CES5A: variants seen among roughly 807,000 people sequenced by gnomAD.
The protein encoded by CES5A is carboxylesterase 5.
A neutral mutation model predicts 62.9 loss-of-function variants in CES5A; 67 were observed. That is an observed-to-expected ratio of 1.07 (90% CI 0.88 to 1.31). The LOEUF is 1.31. Ranked by LOEUF, CES5A falls within the 50% of genes most tolerant of loss-of-function variation. The pLI, the probability that CES5A is intolerant of heterozygous loss-of-function variation, is 0.00. For synonymous variants in CES5A, 296 were observed against 280.8 expected, an observed-to-expected ratio of 1.05 and a Z score of -0.54; for missense variants, 748 against 708.5, an observed-to-expected ratio of 1.06 and a Z score of -0.63.
At chr16:55,948,751 G>A (rs2034523830) in intron 2 of CES5A, among the ~76,000 whole-genome samples, 1 of 152,088 alleles carries the variant, frequency 6.6e-6, no homozygotes, top group Admixed American at 6.6e-5. Flanking sequence ...GGGACCTAGG[G>A]GTTGGCATTC....
At chr16:55,883,856 C>T (rs1370245197) in intron 1 of CES5A, among the ~76,000 whole-genome samples, 1 of 152,186 alleles carries the variant, frequency 6.6e-6, no homozygotes, top group East Asian at 1.9e-4. Flanking sequence ...GAAATGACCA[C>T]TATTGGTGGG....
chr16:55,880,847 A>G (rs2033754297), intron 1 of CES5A, among the ~76,000 whole-genome samples: 1 of 152,230 alleles, frequency 6.6e-6, no homozygotes, highest in Admixed American at 6.5e-5. Context: ...TGTGAAAATC[A>G]GAAGGCCTCC....
chr16:55,906,210 A>T (rs2034038806), intron 1 of CES5A, among the ~76,000 whole-genome samples: 1 of 152,250 alleles, frequency 6.6e-6, no homozygotes, highest in African/African-American at 2.4e-5. Flanking sequence ...TTAGGCTTAA[A>T]CAAGACAACG....
At chr16:55,939,900 A>C (rs1352107646) in intron 2 of CES5A, among the ~76,000 whole-genome samples, 2 of 152,148 alleles carry the variant, frequency 1.3e-5, no homozygotes, top group Non-Finnish European at 2.9e-5. Context: ...CTAACATATT[A>C]AACAACACAC....
rs751749060 is a variant in CES5A, at chr16:55,863,378, C to G, written c.780G>C (p.Leu260=). ...MESGVAIIPY[L]EAHDYEKSED... is the part of the protein sequence containing the mutation. ...CACTCTTCTCATAATCATGGGCCTCCAGGTAAGGGATGATGGCCACCCCAC... is the reference window on the plus strand; with the variant it reads ...CACTCTTCTCATAATCATGGGCCTCGAGGTAAGGGATGATGGCCACCCCAC... The change falls in exon 6 of 13, where the codon CTG becomes CTC. Residue 260 remains leucine, a synonymous_variant. Transcript: ENST00000290567. 269 of 1,603,412 alleles carry G rather than the reference C, an allele frequency of 1.7e-4. No homozygotes were observed. The highest frequency in any genetic ancestry group is 6.9e-4 in the Middle Eastern group (4 of 5,780).
At chr16:55,942,422 T>C (rs1371362541) in intron 2 of CES5A, among the ~76,000 whole-genome samples, 1 of 152,170 alleles carries the variant, frequency 6.6e-6, no homozygotes, top group East Asian at 1.9e-4. Flanking sequence ...TAAAAGATAC[T>C]TCACAGGGGA....
chr16:55,895,581 G>T (rs146147238), intron 1 of CES5A, among the ~76,000 whole-genome samples: 1,972 of 152,282 alleles, frequency 0.013, 47 homozygotes, highest in African/African-American at 0.045. Context: ...AAGTGCCTGT[G>T]CTACCATTGT....
chr16:55,929,346 G>A (rs2034287018), upstream of CES5A, among the ~76,000 whole-genome samples: 1 of 152,216 alleles, frequency 6.6e-6, no homozygotes, highest in South Asian at 2.1e-4. Flanking sequence ...GCTGCTGACA[G>A]CATCCCCCTC....
intron 4 of CES5A, among the ~76,000 whole-genome samples, chr16:55,868,520 A>G (rs1453812646): frequency 6.6e-6 from 1 of 151,218 alleles, no homozygotes; most frequent in Non-Finnish European, 1.5e-5. Flanking sequence ...ATCCCTTGCA[A>G]CTCCCTCCTC....
chr16:55,943,771 A>C (rs578108841), intron 2 of CES5A, among the ~76,000 whole-genome samples: 2 of 152,302 alleles, frequency 1.3e-5, no homozygotes, highest in South Asian at 4.1e-4. Context: ...CAGAGTACAC[A>C]GAACAGAAAG....
chr16:55,859,442 C>T (rs1567326687), intron 8 of CES5A, 105 bp downstream of exon 8: 2 of 1,153,002 alleles, frequency 1.7e-6, no homozygotes, highest in Non-Finnish European at 2.5e-6. Context: ...TGGTGGGCTC[C>T]AGCACTTACA....
Position 55,869,722 on chromosome 16 carries a change from C to A in CES5A, c.440G>T (p.Gly147Val), listed in dbSNP as rs563233890. The change falls in exon 4 of 13, where the codon GGT becomes GTT. Residue 147 changes from glycine to valine, a missense_variant. By Grantham distance (109) the Gly-to-Val change is moderately radical (BLOSUM62 -3). Coordinates refer to ENST00000290567, the MANE Select transcript of CES5A (RefSeq NM_001143685.2). ...KLPVLVWFPG[G>V]AFKTGSASIF... ...GGAGGCTGAGCCAGTCTTGAAGGCACCTCCTGGGAACCACACCAAGACCTG... is the reference window on the plus strand; with the variant it reads ...GGAGGCTGAGCCAGTCTTGAAGGCAACTCCTGGGAACCACACCAAGACCTG... The A allele has an allele frequency of 1.2e-6, 2 of 1,605,938 alleles. No individual in the cohort carries two copies. The highest frequency in any genetic ancestry group is 1.3e-5 in the African/African-American group (1 of 74,904).
intron 2 of CES5A, among the ~76,000 whole-genome samples, chr16:55,930,480 C>T (rs2034299062): frequency 6.6e-6 from 1 of 152,194 alleles, no homozygotes; most frequent in South Asian, 2.1e-4. Flanking sequence ...AAGAGAGGGT[C>T]TATTATAAAA....
In CES5A at chr16:55,955,996, A is replaced by C. The variant is rs147267787; in HGVS notation, c.-111T>G. The stretch of plus-strand genomic sequence containing the variant: ...ATGGTACAGCTGATAAAGAAAAGTC[A>C]AATGAGTTCACCACTTTCCTCTACC... On this transcript the variant is annotated 5_prime_UTR_variant, in exon 1 of 14. Coordinates refer to the CES5A transcript ENST00000521992. 5.1e-4 allele frequency: 614 copies of C among 1,193,392 alleles called. 3 individuals are homozygous for C. The African/African-American group carries it at 8.4e-3, about 16-fold the overall frequency. 73.9% of individuals were successfully genotyped at this position (1,193,392 alleles called of 1,614,324 possible).
chr16:55,950,323 G>T (rs2034541249), intron 1 of CES5A, among the ~76,000 whole-genome samples: 1 of 152,048 alleles, frequency 6.6e-6, no homozygotes, highest in Non-Finnish European at 1.5e-5. Flanking sequence ...ACAAACTGAA[G>T]AACTACATCC....
chr16:55,889,326 G>A (rs1380441616), intron 1 of CES5A, among the ~76,000 whole-genome samples: 1 of 152,074 alleles, frequency 6.6e-6, no homozygotes, highest in Non-Finnish European at 1.5e-5. Context: ...CAGGTTGGGG[G>A]CTCAGTCCCA....
intron 1 of CES5A, among the ~76,000 whole-genome samples, chr16:55,913,223 C>T (rs2034112902): frequency 6.6e-6 from 1 of 152,016 alleles, no homozygotes; most frequent in Non-Finnish European, 1.5e-5. Context: ...GTTTTTCTTG[C>T]TGTCTGAAGT....
chr16:55,954,877 T>C (rs751357174), intron 1 of CES5A, among the ~76,000 whole-genome samples: 8 of 152,158 alleles, frequency 5.3e-5, no homozygotes, highest in Non-Finnish European at 7.4e-5. Context: ...ATTATTCCCA[T>C]TGCATGGAGA....
In CES5A at chr16:55,853,048, C is replaced by CGGCCGGGCGCGGTGGCTCACGCCTG; in HGVS notation, c.1126-21_1126-20insCAGGCGTGAGCCACCGCGCCCGGCC. The CGGCCGGGCGCGGTGGCTCACGCCTG allele has an allele frequency of 6.2e-7, 1 of 1,613,038 alleles. No homozygotes were observed. The highest frequency in any genetic ancestry group is 8.5e-7 in the Non-Finnish European group (1 of 1,179,378). On this transcript the variant is annotated intron_variant, in intron 9 of 12. Coordinates refer to ENST00000290567, the MANE Select transcript of CES5A (RefSeq NM_001143685.2). ...GATGTGCTGTAAAAATATCGTAGTC[C>CGGCCGGGCGCGGTGGCTCACGCCTG]TAGGAGATCCAGGTCAACCACAATG...
Sources: allele counts gnomAD v4.1 joint callset (sites outside exome capture counted in the v4.1 genomes callset), GRCh38; gene constraint gnomAD v4.1.1; transcripts MANE v1.5; gene names NCBI Gene and HGNC (gene_info 2026-07-23, HGNC 2026-07-21).